Variants in FUCA2 observed in about 807,000 individuals in gnomAD.
The protein encoded by FUCA2 is plasma alpha-L-fucosidase.
Under a neutral mutation model 52.6 loss-of-function variants are expected in FUCA2, and 41 were observed. The ratio of observed to expected loss-of-function variants is 0.78; its 90% confidence interval spans 0.61 to 1.01. The LOEUF is 1.01. FUCA2 is among the 50% of genes least tolerant of loss of function. The pLI is 0.00. For synonymous variants in FUCA2, 211 were observed against 217.3 expected (o/e 0.97, Z 0.26); for missense variants, 507 against 569.5 (o/e 0.89, Z 1.12).
Position 143,509,338 on chromosome 6 carries a change from C to T in FUCA2, c.225-1914G>A, listed in dbSNP as rs1411322672. On this transcript the variant is annotated intron_variant, in intron 1 of 6. Coordinates refer to ENST00000002165, the MANE Select transcript of FUCA2 (RefSeq NM_032020.5). The surrounding 1 kb of genome is among the most constrained non-coding windows in gnomAD (Gnocchi z 5.4). ...AATCACAGGTAATTAAAGAATCTTC[C>T]ACAGGGTTAATGCATTTTCAGATCA... 6.6e-6 allele frequency among the ~76,000 whole-genome samples: 1 copy of T among 152,160 alleles called. No individual in the cohort carries two copies. Among genetic ancestry groups the T allele is most frequent in the African/African-American group, 2.4e-5 (1 of 41,442 alleles).
chr6:143,497,634 T>G lies in FUCA2; in HGVS notation c.1155-137A>C. 1 of 561,712 alleles carries G rather than the reference T, an allele frequency of 1.8e-6. No homozygotes were observed. Among genetic ancestry groups the G allele is most frequent in the Non-Finnish European group, 3.1e-6 (1 of 318,170 alleles). 34.8% of individuals were successfully genotyped at this position (561,712 alleles called of 1,614,324 possible). On this transcript the variant is annotated intron_variant, in intron 5 of 6. Transcript: ENST00000002165. The surrounding 1 kb of genome is among the most constrained non-coding windows in gnomAD (Gnocchi z 5.3). ...ACCACTAATAGAAGGGAAGGAAAAA[T>G]AGCCTCATGGTGGTATAAAAAAACA...
intron 1 of FUCA2, among the ~76,000 whole-genome samples, chr6:143,508,642 GA>G (rs1178302782): frequency 6.6e-6 from 1 of 152,190 alleles, no homozygotes; most frequent in Non-Finnish European, 1.5e-5. Context: ...CCCTCCTAAT[GA>G]AAAGAGACAC....
rs1780503481 is a variant in FUCA2 at position 143,499,423 on chromosome 6, G to A, written c.1155-1926C>T. Among the ~76,000 whole-genome samples, 1 of 152,270 alleles carries A rather than the reference G, an allele frequency of 6.6e-6. No individual in the cohort carries two copies. Among genetic ancestry groups the A allele is most frequent in the African/African-American group, 2.4e-5 (1 of 41,556 alleles). ...ACAAAAAAATTAGCCAGGCTTGGTG[G>A]CGGACACCTGTAATCCCAGCTACTC... is the stretch of plus-strand genomic sequence containing the variant. On this transcript the variant is annotated intron_variant, in intron 5 of 6. Transcript: ENST00000002165. This position sits in a 1 kb window ranked among gnomAD's most constrained non-coding sequence, Gnocchi z 6.0.
At position 143,498,972 on chromosome 6, in the gene FUCA2, A is replaced by G. The variant is rs527496687; in HGVS notation, c.1155-1475T>C. On this transcript the variant is annotated intron_variant, in intron 5 of 6. Transcript: ENST00000002165. ...TGCTAATGGGTTGGCTGTGACTATA[A>G]AAGAAGGGGAAACTAAGGGCTTCAA... Among the ~76,000 whole-genome samples the G allele has an allele frequency of 2.0e-5, 3 of 152,222 alleles. No homozygotes were observed. In the East Asian group the frequency reaches 5.8e-4, roughly 30 times the overall value.
rs1187707820 is a variant in FUCA2 at position 143,503,789 on chromosome 6, T to G, written c.752+124A>C. 2 of 699,116 alleles carry G rather than the reference T, an allele frequency of 2.9e-6. No individual in the cohort carries two copies. The highest frequency in any genetic ancestry group is 4.7e-6 in the Non-Finnish European group (2 of 425,686). The allele number at this position is 699,116 out of a possible 1,614,324, so 43.3% of individuals were successfully genotyped here. ...TATATCTAATAAGTATTATTTACAA[T>G]GATTTTCTCCCCCCATACCACCAAT... On this transcript the variant is annotated intron_variant, in intron 3 of 6. Coordinates refer to ENST00000002165, the MANE Select transcript of FUCA2 (RefSeq NM_032020.5). The surrounding 1 kb of genome is among the most constrained non-coding windows in gnomAD (Gnocchi z 4.8).
At position 143,500,787 on chromosome 6, in the gene FUCA2, G is replaced by A. The variant is rs1007347133; in HGVS notation, c.1154+1145C>T. ...ATGTGAAGAGTAGTTCTGGGGACAG[G>A]GACAGCAAGCCAGGGCTCTCTCAAA... On this transcript the variant is annotated intron_variant, in intron 5 of 6. Coordinates refer to ENST00000002165, the MANE Select transcript of FUCA2 (RefSeq NM_032020.5). This position sits in a 1 kb window ranked among gnomAD's most constrained non-coding sequence, Gnocchi z 6.9. Among the ~76,000 whole-genome samples the A allele has an allele frequency of 6.6e-6, 1 of 152,088 alleles. No homozygotes were observed. The highest frequency in any genetic ancestry group is 6.5e-5 in the Admixed American group (1 of 15,280).
Position 143,502,301 on chromosome 6 carries a change from A to G in FUCA2, c.963+54T>C. The G allele has an allele frequency of 6.5e-7, 1 of 1,536,352 alleles. No individual in the cohort carries two copies. The highest frequency in any genetic ancestry group is 8.9e-7 in the Non-Finnish European group (1 of 1,120,834). ...GAGCCATAGAAGAAATAATTCCTAC[A>G]TGACCACACTATTAAGAATATTATG... On this transcript the variant is annotated intron_variant, in intron 4 of 6. Coordinates refer to ENST00000002165, the MANE Select transcript of FUCA2 (RefSeq NM_032020.5). The surrounding 1 kb of genome is among the most constrained non-coding windows in gnomAD (Gnocchi z 4.1).
At position 143,502,521 on chromosome 6, in the gene FUCA2, C is replaced by T. The variant is rs1375215769; in HGVS notation, c.797G>A (p.Gly266Asp). The T allele has an allele frequency of 6.2e-7, 1 of 1,614,114 alleles. No homozygotes were observed. The highest frequency in any genetic ancestry group is 1.1e-5 in the South Asian group (1 of 91,076). Residue 266 changes from glycine (G) to aspartate (D), a missense_variant, in exon 4 of 7, where the codon GGT becomes GAT. Transcript: ENST00000002165. This position sits in a 1 kb window ranked among gnomAD's most constrained non-coding sequence, Gnocchi z 4.1. The part of the protein sequence containing the change: ...TVVTNDRWGA[G>D]SICKHGGFYT... ...GAAGCCACCATGCTTACAGATGCTA[C>T]CAGCTCCCCAACGATCATTGGTGAC...
rs1242721823 is a variant in FUCA2, at chr6:143,504,814, A to G, written c.413-562T>C. 1.3e-5 allele frequency: 2 copies of G among 152,340 alleles called. No homozygotes were observed. Among genetic ancestry groups the G allele is most frequent in the Non-Finnish European group, 2.9e-5 (2 of 68,154 alleles). The allele number at this position is 152,340 out of a possible 1,614,324, so 9.4% of individuals were successfully genotyped here. On this transcript the variant is annotated intron_variant, in intron 2 of 6. Coordinates refer to ENST00000002165, the MANE Select transcript of FUCA2 (RefSeq NM_032020.5). The surrounding 1 kb of genome is among the most constrained non-coding windows in gnomAD (Gnocchi z 4.4). ...CTTAGAACACTGGTGATCCACGTAT[A>G]GCAAATCTCTTTTAGCCTGATTATT...
At chr6:143,498,097 G>C (rs1206342002) in intron 5 of FUCA2, among the ~76,000 whole-genome samples, 2 of 151,808 alleles carry the variant, frequency 1.3e-5, no homozygotes, top group Non-Finnish European at 2.9e-5. Context: ...GCCTCTCCAG[G>C]AACATAACAT....
chr6:143,497,102 G>A lies in FUCA2; in HGVS notation c.1263+287C>T. On this transcript the variant is annotated intron_variant, in intron 6 of 6. Transcript: ENST00000002165. The surrounding 1 kb of genome is among the most constrained non-coding windows in gnomAD (Gnocchi z 5.3). ...AGCCTCCTGAGTAACTAGGACTACA[G>A]GTGCGTGCCACCATGCTCAGCTAAC... 3.3e-6 allele frequency: 1 copy of A among 304,040 alleles called. No homozygotes were observed. Among genetic ancestry groups the A allele is most frequent in the Non-Finnish European group, 6.3e-6 (1 of 159,292 alleles). The allele number at this position is 304,040 out of a possible 1,614,324, so 18.8% of individuals were successfully genotyped here. A position where few individuals can be genotyped will look rare whatever the true frequency, so the allele number is the denominator to read the frequency against.
chr6:143,511,631 G>A lies in FUCA2; in HGVS notation c.4C>T (p.Arg2Trp). 1 of 1,515,226 alleles carries A rather than the reference G, an allele frequency of 6.6e-7. No individual in the cohort carries two copies. Among genetic ancestry groups the A allele is most frequent in the Non-Finnish European group, 8.8e-7 (1 of 1,131,100 alleles). The allele number at this position is 1,515,226 out of a possible 1,614,324, so 93.9% of individuals were successfully genotyped here. A position where few individuals can be genotyped will look rare whatever the true frequency, so the allele number is the denominator to read the frequency against. M[R>W]PQELPRLAFP... ...GCGAGCCTGGGGAGCTCCTGGGGCCGCATGTCCCGGCGCAGGCCGGCTGTC... is the reference window on the plus strand; with the variant it reads ...GCGAGCCTGGGGAGCTCCTGGGGCCACATGTCCCGGCGCAGGCCGGCTGTC... Residue 2 changes from arginine to tryptophan, a missense_variant, in exon 1 of 7, where the codon CGG becomes TGG. Transcript: ENST00000002165. This position sits in a 1 kb window ranked among gnomAD's most constrained non-coding sequence, Gnocchi z 6.3.
Position 143,502,266 on chromosome 6 carries a change from A to G in FUCA2, c.963+89T>C. ...CAGGATAGAACAATGTCCTATATTT[A>G]TAGGCCATTGAGCCATAGAAGAAAT... On this transcript the variant is annotated intron_variant, in intron 4 of 6. Coordinates refer to ENST00000002165, the MANE Select transcript of FUCA2 (RefSeq NM_032020.5). This position sits in a 1 kb window ranked among gnomAD's most constrained non-coding sequence, Gnocchi z 4.1. 2.1e-6 allele frequency: 3 copies of G among 1,398,896 alleles called. No homozygotes were observed. The highest frequency in any genetic ancestry group is 3.0e-6 in the Non-Finnish European group (3 of 1,010,434). 86.7% of individuals were successfully genotyped at this position (1,398,896 alleles called of 1,614,324 possible). A position where few individuals can be genotyped will look rare whatever the true frequency, so the allele number is the denominator to read the frequency against.
chr6:143,500,051 C>CGT lies in FUCA2; in HGVS notation c.1154+1879_1154+1880dup, dbSNP rs113162477. 0.024 allele frequency among the ~76,000 whole-genome samples: 3,598 copies of CGT among 150,192 alleles called. 69 individuals carry two copies. Among genetic ancestry groups the CGT allele is most frequent in the African/African-American group, 0.057 (2,349 of 41,066 alleles). The stretch of plus-strand genomic sequence containing the variant: ...ATTTTACATTGTATGTGTCTGGGTG[C>CGT]GTGTGTGTGTGTGTGTGTTTCCATA... On this transcript the variant is annotated intron_variant, in intron 5 of 6. Coordinates refer to ENST00000002165, the MANE Select transcript of FUCA2 (RefSeq NM_032020.5). The surrounding 1 kb of genome is among the most constrained non-coding windows in gnomAD (Gnocchi z 6.9).
chr6:143,507,127 A>G lies in FUCA2; in HGVS notation c.412+110T>C. 1.0e-6 allele frequency: 1 copy of G among 991,232 alleles called. No homozygotes were observed. Among genetic ancestry groups the G allele is most frequent in the Admixed American group, 3.0e-5 (1 of 33,446 alleles). 61.4% of individuals were successfully genotyped at this position (991,232 alleles called of 1,614,324 possible). ...CATAAGCAAGTGCCAGTCACCACTT[A>G]TGGTTGCTCCGAAGAGAAAATTAGA... On this transcript the variant is annotated intron_variant, in intron 2 of 6. Coordinates refer to ENST00000002165, the MANE Select transcript of FUCA2 (RefSeq NM_032020.5). The surrounding 1 kb of genome is among the most constrained non-coding windows in gnomAD (Gnocchi z 4.5).
intron 6 of FUCA2, among the ~76,000 whole-genome samples, chr6:143,496,142 C>T (rs1227790259): frequency 1.3e-5 from 2 of 152,136 alleles, no homozygotes; most frequent in Non-Finnish European, 2.9e-5. Context: ...AAGAGAGGAT[C>T]AGGAGCAGAA....
chr6:143,511,591 A>G lies in FUCA2; in HGVS notation c.44T>C (p.Leu15Pro). The G allele has an allele frequency of 6.4e-7, 1 of 1,554,044 alleles. No individual in the cohort carries two copies. Among genetic ancestry groups the G allele is most frequent in the Non-Finnish European group, 8.7e-7 (1 of 1,149,206 alleles). The change falls in exon 1 of 7, where the codon CTG (leucine) becomes CCG (proline). Residue 15 changes from leucine (L) to proline (P), a missense_variant. Physicochemically the swap from Leu to Pro is moderately conservative, Grantham distance 98. Coordinates refer to ENST00000002165, the MANE Select transcript of FUCA2 (RefSeq NM_032020.5). This position sits in a 1 kb window ranked among gnomAD's most constrained non-coding sequence, Gnocchi z 6.3. ...CGGCGGCAGCAGCAGCAACAGCAAC[A>G]GCAGCAACGGGAACGCGAGCCTGGG... Reference protein sequence around the residue: ...ELPRLAFPLLLLLLLLLPPPP... With the variant: ...ELPRLAFPLLPLLLLLLPPPP...
chr6:143,501,937 A>G lies in FUCA2; in HGVS notation c.1149T>C (p.Asp383=), dbSNP rs113752927. The G allele has an allele frequency of 1.0e-3, 1,628 of 1,613,012 alleles. 14 individuals carry two copies. In the African/African-American group the frequency reaches 0.016, roughly 16 times the overall value. The change falls in exon 5 of 7, where the codon GAT becomes GAC. Residue 383 remains aspartate (D), a synonymous_variant. Coordinates refer to ENST00000002165, the MANE Select transcript of FUCA2 (RefSeq NM_032020.5). This position sits in a 1 kb window ranked among gnomAD's most constrained non-coding sequence, Gnocchi z 6.1. The part of the protein sequence containing the change: ...WRSQNDTVTP[D]VWYTSKPKEK... ...TGGTAACAAGAATGACTTACCACACATCTGGGGTGACAGTGTCATTCTGGG... is the reference window on the plus strand; with the variant it reads ...TGGTAACAAGAATGACTTACCACACGTCTGGGGTGACAGTGTCATTCTGGG...
rs916107155 is a variant in FUCA2, at chr6:143,499,347, G to A, written c.1155-1850C>T. Among the ~76,000 whole-genome samples the A allele has an allele frequency of 6.6e-6, 1 of 152,172 alleles. No individual in the cohort carries two copies. The highest frequency in any genetic ancestry group is 2.4e-5 in the African/African-American group (1 of 41,428). Reference sequence around the variant, plus strand: ...GCAAGCGGGTCACCTGAGGTCAGGAGTTCGAGACCAGCCTGGCCAAACATG... The same window carrying A: ...GCAAGCGGGTCACCTGAGGTCAGGAATTCGAGACCAGCCTGGCCAAACATG... On this transcript the variant is annotated intron_variant, in intron 5 of 6. Coordinates refer to ENST00000002165, the MANE Select transcript of FUCA2 (RefSeq NM_032020.5). This position sits in a 1 kb window ranked among gnomAD's most constrained non-coding sequence, Gnocchi z 6.0.
Sources: allele counts gnomAD v4.1 joint callset (sites outside exome capture counted in the v4.1 genomes callset), GRCh38; gene constraint gnomAD v4.1.1; non-coding constraint Gnocchi (gnomAD v3.1); transcripts MANE v1.5; gene names NCBI Gene and HGNC (gene_info 2026-07-23, HGNC 2026-07-21).